Variants in ATE1 observed in about 807,000 individuals in gnomAD.
The protein encoded by ATE1 is arginyltransferase 1.
A neutral mutation model predicts 70.5 loss-of-function variants in ATE1; 36 were observed. The ratio of observed to expected loss-of-function variants is 0.51; its 90% CI spans 0.39 to 0.67. The LOEUF is 0.67. Among genes scored for constraint, ATE1 ranks in the 30% least tolerant of loss-of-function variants. ATE1 has a pLI of 0.00. For missense variants in ATE1, 593 were observed against 629.5 expected (o/e 0.94, Z 0.62); for synonymous variants, 232 against 219.3 (o/e 1.06, Z -0.51).
At chr10:121,853,163 G>C (rs1949118233) in intron 8 of ATE1, among the ~76,000 whole-genome samples, 1 of 152,074 alleles carries the variant, frequency 6.6e-6, no homozygotes, top group Non-Finnish European at 1.5e-5. Flanking sequence ...AGGAGGTCGA[G>C]ACCATCCTGG....
chr10:121,896,452 A>G (rs1006387413), intron 7 of ATE1, among the ~76,000 whole-genome samples: 2 of 152,232 alleles, frequency 1.3e-5, no homozygotes, highest in African/African-American at 2.4e-5. Flanking sequence ...GGTATGTCGC[A>G]GTTTAAGTAT....
intron 5 of ATE1, among the ~76,000 whole-genome samples, chr10:121,909,421 A>G (rs564977518): frequency 6.6e-6 from 1 of 152,344 alleles, no homozygotes; most frequent in Admixed American, 6.5e-5. Context: ...AAGTATAATA[A>G]TGGTATTGTG....
At chr10:121,902,251 C>T (rs1951010800) in intron 6 of ATE1, 140 bp downstream of exon 6, 2 of 798,862 alleles carry the variant, frequency 2.5e-6, no homozygotes, top group East Asian at 2.7e-5. Flanking sequence ...TTACTTCTTC[C>T]CAGTTCTCTT....
chr10:121,927,736 T>C (rs1254659435), intron 1 of ATE1, 108 bp downstream of exon 1: 1 of 1,366,306 alleles, frequency 7.3e-7, no homozygotes, highest in African/African-American at 1.5e-5. Context: ...GTCTCGGCCG[T>C]GGCACTGGGG....
intron 10 of ATE1, among the ~76,000 whole-genome samples, chr10:121,829,919 T>C (rs1948170973): frequency 6.6e-6 from 1 of 152,222 alleles, no homozygotes; most frequent in South Asian, 2.1e-4. Flanking sequence ...TAGGCTAAAT[T>C]TACCCCCACT....
intron 11 of ATE1, among the ~76,000 whole-genome samples, chr10:121,766,714 A>G (rs1447192577): frequency 1.3e-5 from 2 of 152,184 alleles, no homozygotes; most frequent in Non-Finnish European, 2.9e-5. Context: ...AATAATCTCA[A>G]AAAACACAAA....
intron 10 of ATE1, among the ~76,000 whole-genome samples, chr10:121,804,630 A>G (rs1002053589): frequency 2.0e-5 from 3 of 152,116 alleles, no homozygotes; most frequent in African/African-American, 7.2e-5. Flanking sequence ...GCTGTTGAGC[A>G]CAGGCTGGTG....
chr10:121,878,671 T>G (rs1950136603), intron 7 of ATE1, among the ~76,000 whole-genome samples: 1 of 151,750 alleles, frequency 6.6e-6, no homozygotes, highest in Non-Finnish European at 1.5e-5. Context: ...CACTATAAAC[T>G]TAAAAATTAA....
chr10:121,909,819 G>A (rs1951349723), intron 5 of ATE1, among the ~76,000 whole-genome samples: 1 of 152,086 alleles, frequency 6.6e-6, no homozygotes, highest in South Asian at 2.1e-4. Flanking sequence ...GGCGAGGGTG[G>A]GAGGATAACT....
chr10:121,821,481 C>A (rs1947794458), intron 10 of ATE1, among the ~76,000 whole-genome samples: 1 of 152,160 alleles, frequency 6.6e-6, no homozygotes, highest in African/African-American at 2.4e-5. Flanking sequence ...CTAAGACAGA[C>A]AACCTAATAG....
intron 11 of ATE1, among the ~76,000 whole-genome samples, chr10:121,755,678 A>G (rs1214577284): frequency 6.6e-6 from 1 of 152,192 alleles, no homozygotes; most frequent in Non-Finnish European, 1.5e-5. Context: ...CATGTCTTAC[A>G]TGGATGGTGG....
chr10:121,799,672 T>C (rs1158559629), intron 10 of ATE1, among the ~76,000 whole-genome samples: 2 of 152,168 alleles, frequency 1.3e-5, no homozygotes, highest in Non-Finnish European at 2.9e-5. Flanking sequence ...TTATAAAGAG[T>C]AACTCCATCT....
intron 10 of ATE1, among the ~76,000 whole-genome samples, chr10:121,803,970 T>A (rs11200169): frequency 0.37 from 56,319 of 152,056 alleles, 11,270 homozygotes; most frequent in South Asian, 0.56. Context: ...GGGGTTCTGG[T>A]AGAATTTACA....
chr10:121,777,864 TAA>T (rs1382932255), intron 11 of ATE1, among the ~76,000 whole-genome samples: 23 of 152,324 alleles, frequency 1.5e-4, no homozygotes, highest in Admixed American at 1.3e-3. Context: ...CTGAATACAT[TAA>T]GTTTGTAAAA....
At chr10:121,774,765 T>C (rs1392543731) in intron 11 of ATE1, among the ~76,000 whole-genome samples, 3 of 152,202 alleles carry the variant, frequency 2.0e-5, no homozygotes, top group African/African-American at 7.2e-5. Context: ...TTTAAACTTC[T>C]CTGCTGTTCG....
At chr10:121,839,078 C>T (rs770377140) in intron 9 of ATE1, among the ~76,000 whole-genome samples, 9 of 152,040 alleles carry the variant, frequency 5.9e-5, no homozygotes, top group Non-Finnish European at 7.4e-5. Context: ...CTATAAACTC[C>T]GCAACTCATC....
intron 7 of ATE1, among the ~76,000 whole-genome samples, chr10:121,898,016 A>T (rs1950844029): frequency 6.6e-6 from 1 of 151,820 alleles, no homozygotes; most frequent in Non-Finnish European, 1.5e-5. Flanking sequence ...TAGCTTACAC[A>T]TCGTGTCATT....
At chr10:121,762,983 T>A (rs1177216027) in intron 11 of ATE1, among the ~76,000 whole-genome samples, 1 of 152,158 alleles carries the variant, frequency 6.6e-6, no homozygotes, top group Admixed American at 6.5e-5. Flanking sequence ...AACCTATTGA[T>A]GATGTTAACT....
intron 2 of ATE1, among the ~76,000 whole-genome samples, chr10:121,923,076 A>G (rs1395814144): frequency 6.6e-6 from 1 of 152,092 alleles, no homozygotes; most frequent in Non-Finnish European, 1.5e-5. Context: ...TCCTGCCTCT[A>G]TGACCCCCCC....
Sources: gnomAD v4.1 joint callset for allele counts (sites outside exome capture counted in the v4.1 genomes callset) on GRCh38, gnomAD v4.1.1 for gene constraint, MANE v1.5 for transcripts, NCBI Gene and HGNC (gene_info 2026-07-23, HGNC 2026-07-21) for gene names.